The following DOCK6 variants were observed in gnomAD, a reference collection of about 807,000 sequenced individuals.
DOCK6 encodes the protein dedicator of cytokinesis 6.
Under a neutral mutation model 230.3 loss-of-function variants are expected in DOCK6, and 167 were observed. The ratio of observed to expected loss-of-function variants is 0.73; its 90% CI spans 0.64 to 0.82. DOCK6 has a LOEUF of 0.82. Ranked by LOEUF, DOCK6 falls within the 40% of genes least tolerant of loss-of-function variation. The probability of loss-of-function intolerance (pLI) is 0.00; values close to 1 mark genes in which losing one functional copy is unlikely to be tolerated. For missense variants in DOCK6, 2,598 were observed against 2,825.8 expected, an observed-to-expected ratio of 0.92 and a Z score of 1.83; for synonymous variants, 1,148 against 1,185.0, an observed-to-expected ratio of 0.97 and a Z score of 0.64.
At chr19:11,230,333 C>A (rs2079744587) in intron 22 of DOCK6, among the ~76,000 whole-genome samples, 1 of 151,798 alleles carries the variant, frequency 6.6e-6, no homozygotes, top group African/African-American at 2.4e-5. Flanking sequence ...GAGCGAGACT[C>A]CGTCTCAAAA....
Position 11,237,690 on chromosome 19 carries a change from C to A in DOCK6, c.1922G>T (p.Ser641Ile). The A allele has an allele frequency of 6.3e-7, 1 of 1,594,764 alleles. No homozygotes were observed. Among genetic ancestry groups the A allele is most frequent in the Non-Finnish European group, 8.5e-7 (1 of 1,171,314 alleles). ...HHLLFTFYHV[S>I]CQPRPGTALE... ...GGCAGTGCCCGGCCGGGGCTGGCAG[C>A]TGACATGGTAGAAGGTGAACAGCAG... is the stretch of plus-strand genomic sequence containing the variant. Residue 641 changes from serine to isoleucine, a missense_variant, in exon 17 of 48, where the codon AGC (serine) becomes ATC (isoleucine). Ser to Ile is a moderately radical substitution (Grantham distance 142). Transcript: ENST00000294618.
At position 11,253,726 on chromosome 19, in the gene DOCK6, C is replaced by T. The variant is rs562998140; in HGVS notation, c.45G>A (p.Arg15=). 2.0e-6 allele frequency: 3 copies of T among 1,477,112 alleles called. No individual in the cohort carries two copies. In the East Asian group the frequency reaches 8.7e-5, roughly 43 times the overall value. 91.5% of individuals were successfully genotyped at this position (1,477,112 alleles called of 1,614,324 possible). ...GCTTCCGCACCTCTGCGGCCACCGTCCTGGAAAGATAGGGAGGGGGCCATT... is the reference window on the plus strand; with the variant it reads ...GCTTCCGCACCTCTGCGGCCACCGTTCTGGAAAGATAGGGAGGGGGCCATT... ...ERRAFAHKIN[R]TVAAEVRKQV... The change falls in exon 2 of 48, where the codon AGG becomes AGA. Residue 15 remains arginine (R), a splice_region_variant and synonymous_variant. Coordinates refer to ENST00000294618, the MANE Select transcript of DOCK6 (RefSeq NM_020812.4).
In DOCK6 at chr19:11,209,063, T is replaced by A; in HGVS notation, c.4792A>T (p.Thr1598Ser). ...TTCCCGGCCATGTTCTGCAACCAGG[T>A]CAGCCGAAGGTCCGGTGAGCCCTGG... Reference protein sequence around the residue: ...GYQGSPDLRLTWLQNMAGKHA... With the variant: ...GYQGSPDLRLSWLQNMAGKHA... The change falls in exon 38 of 48, where the codon ACC (threonine) becomes TCC (serine). Residue 1598 changes from threonine (T) to serine (S), a missense_variant. Coordinates refer to ENST00000294618, the MANE Select transcript of DOCK6 (RefSeq NM_020812.4). 1 of 1,612,380 alleles carries A rather than the reference T, an allele frequency of 6.2e-7. No homozygotes were observed. The highest frequency in any genetic ancestry group is 1.3e-5 in the African/African-American group (1 of 74,976).
chr19:11,223,600 C>T (rs562076244), intron 24 of DOCK6, among the ~76,000 whole-genome samples: 122 of 152,172 alleles, frequency 8.0e-4, no homozygotes, highest in African/African-American at 2.6e-3. Flanking sequence ...TAGCCTCTGC[C>T]CTAACTGATC....
At position 11,250,972 on chromosome 19, in the gene DOCK6, C is replaced by G. The variant is rs369256063; in HGVS notation, c.622G>C (p.Glu208Gln). 4.3e-6 allele frequency: 7 copies of G among 1,613,868 alleles called. No homozygotes were observed. The highest frequency in any genetic ancestry group is 5.9e-6 in the Non-Finnish European group (7 of 1,179,878). The change falls in exon 6 of 48, where the codon GAG becomes CAG. Residue 208 changes from glutamate (E) to glutamine (Q), a missense_variant. By Grantham distance (29) the Glu-to-Gln change is conservative. Transcript: ENST00000294618. ...TCCACATCTTCTGGGGCCGCCCGCT[C>G]TAGCAGAGAGGGCAGCAATGAGTCA... Reference protein sequence around the residue: ...AADSLLPSLLERAAPEDVDRR... With the variant: ...AADSLLPSLLQRAAPEDVDRR...
Position 11,222,068 on chromosome 19 carries a change from C to T in DOCK6, c.3380+41G>A. The stretch of plus-strand genomic sequence containing the variant: ...GGACAGGGTGGACATGGCTCCTGGA[C>T]TGTCCCACCTGTCCTGGGGCTAGAC... On this transcript the variant is annotated intron_variant, in intron 27 of 47. Transcript: ENST00000294618. This position sits in a 1 kb window ranked among gnomAD's most constrained non-coding sequence, Gnocchi z 4.0. The T allele has an allele frequency of 6.2e-7, 1 of 1,606,498 alleles. No individual in the cohort carries two copies. The highest frequency in any genetic ancestry group is 8.5e-7 in the Non-Finnish European group (1 of 1,174,426).
intron 21 of DOCK6, among the ~76,000 whole-genome samples, chr19:11,233,847 T>C (rs1319080035): frequency 6.6e-6 from 1 of 151,640 alleles, no homozygotes; most frequent in Non-Finnish European, 1.5e-5. Context: ...CTTTTTTTTT[T>C]TTTTCTTAGA....
chr19:11,225,997 C>T (rs146423876), intron 24 of DOCK6, among the ~76,000 whole-genome samples: 3 of 151,904 alleles, frequency 2.0e-5, no homozygotes, highest in Non-Finnish European at 2.9e-5. Context: ...GAACTATGAT[C>T]GCACCACTGC....
rs1346564812 is a variant in DOCK6 at position 11,214,348 on chromosome 19, T to C, written c.4265A>G (p.Tyr1422Cys). The C allele has an allele frequency of 1.2e-6, 2 of 1,613,522 alleles. No homozygotes were observed. The highest frequency in any genetic ancestry group is 1.7e-6 in the Non-Finnish European group (2 of 1,179,860). Reference protein sequence around the residue: ...VLGAVLKVVLYSLGSAQSALF... With the variant: ...VLGAVLKVVLCSLGSAQSALF... Reference sequence around the variant, plus strand: ...GGCACTCTGGGCACTGCCCAGGCTGTACAGCACAACCTTCAGCACTGCCCC... The same window carrying C: ...GGCACTCTGGGCACTGCCCAGGCTGCACAGCACAACCTTCAGCACTGCCCC... The change falls in exon 34 of 48, where the codon TAC becomes TGC. Residue 1422 changes from tyrosine to cysteine, a missense_variant. Physicochemically the swap from Tyr to Cys is radical, Grantham distance 194. Transcript: ENST00000294618.
In DOCK6 at chr19:11,200,286, A is replaced by T; in HGVS notation, c.6101+22T>A. ...CTGCATCCCCTCTCTAGTCTCTAGG[A>T]TGGGGGCACTAGGTCAGGCACCTGA... On this transcript the variant is annotated intron_variant, in intron 47 of 47. Transcript: ENST00000294618. This position sits in a 1 kb window ranked among gnomAD's most constrained non-coding sequence, Gnocchi z 4.3. 1 of 1,551,702 alleles carries T rather than the reference A, an allele frequency of 6.4e-7. No individual in the cohort carries two copies. The highest frequency in any genetic ancestry group is 8.7e-7 in the Non-Finnish European group (1 of 1,147,610).
chr19:11,257,035 G>A (rs1293098376), intron 1 of DOCK6, among the ~76,000 whole-genome samples: 2 of 149,024 alleles, frequency 1.3e-5, no homozygotes, highest in Non-Finnish European at 3.0e-5. Context: ...CGCCCAGGCT[G>A]GAATGCAGTG....
chr19:11,212,098 C>T lies in DOCK6; in HGVS notation c.4545G>A (p.Gly1515=). The T allele has an allele frequency of 1.2e-6, 2 of 1,612,478 alleles. No individual in the cohort carries two copies. Among genetic ancestry groups the T allele is most frequent in the Non-Finnish European group, 1.7e-6 (2 of 1,179,694 alleles). ...QVTMSLSSLV[G]TTQNFSEEHL... ...GCTCTTCACTGAAGTTCTGCGTCGT[C>T]CCCACCAGGGACGAGAGAGACATGG... is the stretch of plus-strand genomic sequence containing the variant. Residue 1515 remains glycine, a synonymous_variant, in exon 36 of 48, where the codon GGG becomes GGA. Transcript: ENST00000294618.
At chr19:11,245,002 G>A (rs2080010759) in intron 9 of DOCK6, among the ~76,000 whole-genome samples, 1 of 152,150 alleles carries the variant, frequency 6.6e-6, no homozygotes, top group African/African-American at 2.4e-5. Flanking sequence ...GGGACCCTGG[G>A]CAGTGGGACC....
chr19:11,232,723 C>T (rs190506229), intron 22 of DOCK6, among the ~76,000 whole-genome samples: 90 of 125,170 alleles, frequency 7.2e-4, no homozygotes, highest in Non-Finnish European at 9.6e-4. Context: ...GGGGTGAACA[C>T]GTATACGTGC....
At chr19:11,260,611 G>A (rs973490206) in intron 1 of DOCK6, among the ~76,000 whole-genome samples, 2 of 150,336 alleles carry the variant, frequency 1.3e-5, no homozygotes, top group African/African-American at 2.4e-5. Flanking sequence ...AAAAAAGCCT[G>A]GGTGCAGTGG....
chr19:11,203,423 T>C (rs2079203141), intron 41 of DOCK6: 1 of 131,864 alleles, frequency 7.6e-6, no homozygotes, highest in South Asian at 2.7e-4. Flanking sequence ...TGAGAATCAT[T>C]CCGTGGGGGG....
chr19:11,223,022 A>G lies in DOCK6; in HGVS notation c.3040T>C (p.Phe1014Leu), dbSNP rs1393017191. The change falls in exon 25 of 48, where the codon TTC becomes CTC. Residue 1014 changes from phenylalanine to leucine, a missense_variant. Transcript: ENST00000294618. Reference sequence around the variant, plus strand: ...TTGTAGTGGGCCCGGACCAGGCTGAAGACAAAGCCCCGGTCCACCAGGGAC... The same window carrying G: ...TTGTAGTGGGCCCGGACCAGGCTGAGGACAAAGCCCCGGTCCACCAGGGAC... The part of the protein sequence containing the change: ...LLSLVDRGFV[F>L]SLVRAHYKQV... The G allele has an allele frequency of 6.2e-7, 1 of 1,613,786 alleles. No homozygotes were observed. The highest frequency in any genetic ancestry group is 2.2e-5 in the East Asian group (1 of 44,874).
chr19:11,252,397 C>T, intron 4 of DOCK6, 85 bp downstream of exon 4: 1 of 1,589,708 alleles, frequency 6.3e-7, no homozygotes, highest in Non-Finnish European at 8.6e-7. Flanking sequence ...GGACAATGGG[C>T]AGATACACAG....
intron 1 of DOCK6, among the ~76,000 whole-genome samples, chr19:11,255,645 C>A (rs1326805253): frequency 6.6e-6 from 1 of 152,154 alleles, no homozygotes; most frequent in South Asian, 2.1e-4. Flanking sequence ...TGAGGGGAAG[C>A]CCCAGGTCTT....
Sources: gnomAD v4.1 joint callset for allele counts (sites outside exome capture counted in the v4.1 genomes callset) on GRCh38, gnomAD v4.1.1 for gene constraint, Gnocchi (gnomAD v3.1) non-coding constraint, MANE v1.5 for transcripts, NCBI Gene and HGNC (gene_info 2026-07-23, HGNC 2026-07-21) for gene names.